MED13: variants seen among roughly 807,000 people sequenced by gnomAD.
MED13 encodes mediator complex subunit 13.
MED13 carries 23 observed loss-of-function variants against 225.2 expected under a neutral mutation model. That is an observed-to-expected ratio of 0.10 (90% CI 0.07 to 0.14). The LOEUF is 0.14. Among genes scored for constraint, MED13 ranks in the 10% least tolerant of loss-of-function variants. The pLI is 1.00. For synonymous variants in MED13, 942 were observed against 889.2 expected, an observed-to-expected ratio of 1.06 and a Z score of -1.06; for missense variants, 2,197 against 2,594.5, an observed-to-expected ratio of 0.85 and a Z score of 3.33.
chr17:62,002,772 T>G (rs956559623), intron 9 of MED13, among the ~76,000 whole-genome samples: 6 of 152,300 alleles, frequency 3.9e-5, no homozygotes, highest in African/African-American at 9.6e-5. Context: ...TAGTTTGGAG[T>G]GACTGAAATA....
intron 8 of MED13, among the ~76,000 whole-genome samples, chr17:62,015,931 TATATATATATATATATATATATA>T (rs1567979617): frequency 4.8e-3 from 35 of 7,282 alleles, no homozygotes; most frequent in South Asian, 0.011. Flanking sequence ...TATATATATA[TATATATATATATATATATATATA>T]TTTTTTTTTT....
chr17:62,011,186 G>A lies in MED13; in HGVS notation c.1331C>T (p.Pro444Leu). The change falls in exon 9 of 30, where the codon CCA (proline) becomes CTA (leucine). Residue 444 changes from proline (P) to leucine (L), a missense_variant. By Grantham distance (98) the Pro-to-Leu change is moderately conservative. Around this residue, in one of 12 missense-constraint regions of MED13, gnomAD observed 884 missense variants for 918.5 expected, o/e 0.96. Coordinates refer to ENST00000397786, the MANE Select transcript of MED13 (RefSeq NM_005121.3). Reference sequence around the variant, plus strand: ...TATTTGTTGTTGCTGACCTAAAGATGGTGCCTGTCCTTGTTGTCCAGCATT... The same window carrying A: ...TATTTGTTGTTGCTGACCTAAAGATAGTGCCTGTCCTTGTTGTCCAGCATT... The part of the protein sequence containing the change: ...SRNAGQQGQA[P>L]SLGQQQQILP... The A allele has an allele frequency of 1.2e-6, 2 of 1,613,910 alleles. No homozygotes were observed. The highest frequency in any genetic ancestry group is 1.7e-6 in the Non-Finnish European group (2 of 1,179,944).
chr17:61,995,442 T>C (rs1201670693), intron 9 of MED13, 77 bp from the exon 10 acceptor site: 2 of 982,452 alleles, frequency 2.0e-6, no homozygotes, highest in Non-Finnish European at 2.9e-6. Context: ...AGTATCATAA[T>C]GTTTTTAGAA....
rs2080497550 is a variant in MED13, at chr17:62,010,615, T to C, written c.1902A>G (p.Pro634=). 1 of 1,494,250 alleles carries C rather than the reference T, an allele frequency of 6.7e-7. No individual in the cohort carries two copies. Among genetic ancestry groups the C allele is most frequent in the Non-Finnish European group, 8.9e-7 (1 of 1,121,126 alleles). 92.6% of individuals were successfully genotyped at this position (1,494,250 alleles called of 1,614,324 possible). A position where few individuals can be genotyped will look rare whatever the true frequency, so the allele number is the denominator to read the frequency against. ...KDVEFLPPQL[P]SDKFKDDPVG... ...CTGGATCATCCTTGAATTTATCACT[T>C]GGAAGTTGAGGTGGTAAAAACTCTA... The change falls in exon 9 of 30, where the codon CCA becomes CCG. Residue 634 remains proline (P), a synonymous_variant. Transcript: ENST00000397786.
At chr17:61,964,907 G>A in intron 20 of MED13, 99 bp downstream of exon 20, 7 of 1,153,666 alleles carry the variant, frequency 6.1e-6, no homozygotes, top group Non-Finnish European at 8.5e-6. Flanking sequence ...CTGCAGTACA[G>A]CCTGCGCAAA....
chr17:61,978,137 G>A (rs925917625), intron 16 of MED13, among the ~76,000 whole-genome samples: 1 of 149,330 alleles, frequency 6.7e-6, no homozygotes, highest in Non-Finnish European at 1.5e-5. Context: ...TTCTTACTAT[G>A]TGCCAAAAAC....
chr17:61,976,594 C>G (rs2080158482), intron 16 of MED13, among the ~76,000 whole-genome samples: 1 of 152,128 alleles, frequency 6.6e-6, no homozygotes, highest in African/African-American at 2.4e-5. Context: ...ATAATTAGAA[C>G]AGAGCTTTGT....
chr17:61,958,334 A>G (rs924681779), intron 23 of MED13, among the ~76,000 whole-genome samples: 1 of 151,194 alleles, frequency 6.6e-6, no homozygotes, highest in Non-Finnish European at 1.5e-5. Context: ...CACCCCACTA[A>G]TTTTTGTTTT....
chr17:62,003,934 C>T (rs576057778), intron 9 of MED13: 85 of 152,284 alleles, frequency 5.6e-4, no homozygotes, highest in African/African-American at 2.0e-3. Context: ...GTATTAACTT[C>T]TAAGAGACCT....
intron 17 of MED13, among the ~76,000 whole-genome samples, chr17:61,970,729 T>TG (rs1555632770): frequency 4.2e-5 from 6 of 144,210 alleles, no homozygotes; most frequent in African/African-American, 1.2e-4. Context: ...TATTTAGGTT[T>TG]TTTTTTTTTT....
At chr17:61,959,812 T>A (rs936911822) in intron 23 of MED13, among the ~76,000 whole-genome samples, 18 of 148,402 alleles carry the variant, frequency 1.2e-4, no homozygotes, top group African/African-American at 4.2e-4. Flanking sequence ...CACTGCAGCC[T>A]CGACTTCCTG....
rs1044606872 is a variant in MED13, at chr17:61,943,541, T to G, written c.*2927A>C. ...TGAGTACGAATACAGCTGAGGATAGTTGACTAAGTAGTAAGAGCTTAATTT... is the reference window on the plus strand; with the variant it reads ...TGAGTACGAATACAGCTGAGGATAGGTGACTAAGTAGTAAGAGCTTAATTT... On this transcript the variant is annotated 3_prime_UTR_variant, in exon 30 of 30. Coordinates refer to ENST00000397786, the MANE Select transcript of MED13 (RefSeq NM_005121.3). The G allele has an allele frequency of 6.6e-6, 1 of 152,624 alleles. No individual in the cohort carries two copies. The highest frequency in any genetic ancestry group is 2.1e-4 in the South Asian group (1 of 4,834). 9.5% of individuals were successfully genotyped at this position (152,624 alleles called of 1,614,324 possible).
chr17:61,973,712 T>C (rs1603394895), intron 16 of MED13, among the ~76,000 whole-genome samples: 1 of 152,210 alleles, frequency 6.6e-6, no homozygotes, highest in South Asian at 2.1e-4. Context: ...CTGGGCCCAG[T>C]GGCTCACACC....
intron 22 of MED13, 87 bp from the exon 23 acceptor site, chr17:61,961,177 A>T: frequency 1.7e-6 from 2 of 1,158,480 alleles, no homozygotes; most frequent in Non-Finnish European, 2.4e-6. Flanking sequence ...CTACCCAATT[A>T]TAAGATAATT....
intron 11 of MED13, among the ~76,000 whole-genome samples, chr17:61,989,184 G>C (rs1339765741): frequency 1.3e-5 from 2 of 151,690 alleles, no homozygotes; most frequent in African/African-American, 2.4e-5. Flanking sequence ...CTGATTTTTT[G>C]TATTATTAGT....
intron 1 of MED13, among the ~76,000 whole-genome samples, chr17:62,064,253 T>C (rs1049202358): frequency 6.6e-6 from 1 of 152,212 alleles, no homozygotes; most frequent in South Asian, 2.1e-4. Flanking sequence ...TCAGCTACTG[T>C]CCCATACAGG....
chr17:61,982,521 T>C lies in MED13; in HGVS notation c.3482A>G (p.Lys1161Arg). 6.2e-7 allele frequency: 1 copy of C among 1,614,202 alleles called. No homozygotes were observed. The highest frequency in any genetic ancestry group is 1.7e-5 in the Admixed American group (1 of 60,030). ...GGTAGCCCTGAGAGCTTCAAAACGT[T>C]TTTCTGCTTCTTTGCCACAGTCTGT... ...RNTDCGKEAEKRFEALRATSA... is the reference protein window; with the variant it reads ...RNTDCGKEAERRFEALRATSA... Residue 1161 changes from lysine (K) to arginine (R), a missense_variant, in exon 16 of 30, where the codon AAA becomes AGA. This residue lies in a region of MED13 where 203 missense variants were observed against 209.7 expected (regional missense o/e 0.97). Coordinates refer to ENST00000397786, the MANE Select transcript of MED13 (RefSeq NM_005121.3).
chr17:62,012,014 C>T (rs930324248), intron 8 of MED13, among the ~76,000 whole-genome samples: 1 of 151,948 alleles, frequency 6.6e-6, no homozygotes, highest in Non-Finnish European at 1.5e-5. Flanking sequence ...GTGAGGAGTT[C>T]GAGACCAGCT....
intron 5 of MED13, chr17:62,032,609 CT>C (rs1241140819): frequency 6.6e-6 from 1 of 152,132 alleles, no homozygotes; most frequent in Non-Finnish European, 1.5e-5. Context: ...TCCATGCCTC[CT>C]CTCATGCCTC....
Sources: gnomAD v4.1 joint callset for allele counts (sites outside exome capture counted in the v4.1 genomes callset) on GRCh38, gnomAD v4.1.1 for gene constraint, gnomAD v4.1.1 regional missense constraint, MANE v1.5 for transcripts, NCBI Gene and HGNC (gene_info 2026-07-23, HGNC 2026-07-21) for gene names.